Variants in ARHGEF17 observed in about 807,000 individuals in gnomAD.
ARHGEF17 encodes the protein 164 kDa Rho-specific guanine-nucleotide exchange factor.
In ARHGEF17, 80 loss-of-function variants were observed where a neutral mutation model predicts 174.0. The observed-to-expected ratio is 0.46, with a 90% confidence interval of 0.38 to 0.55. The LOEUF (loss-of-function observed/expected upper bound fraction) is 0.55. Ranked by LOEUF, ARHGEF17 falls within the 20% of genes least tolerant of loss-of-function variation. The pLI is 0.00. For missense variants in ARHGEF17, 2,886 were observed against 2,839.7 expected, an observed-to-expected ratio of 1.02 and a Z score of -0.37; for synonymous variants, 1,311 against 1,189.1, an observed-to-expected ratio of 1.10 and a Z score of -2.11.
chr11:73,308,888 C>A lies in ARHGEF17; in HGVS notation c.250C>A (p.Gln84Lys). The change falls in exon 1 of 21, where the codon CAG (glutamine) becomes AAG (lysine). Residue 84 changes from glutamine to lysine, a missense_variant. Transcript: ENST00000263674. ...CCGCAGCCTCTCGCCGTCGGTTCGC[C>A]AGCTCTCCCGGCGCTTCGACGCGCC... ...PLRSLSPSVR[Q>K]LSRRFDAPRL... is the part of the protein sequence containing the mutation. 7.3e-7 allele frequency: 1 copy of A among 1,364,442 alleles called. No homozygotes were observed. Among genetic ancestry groups the A allele is most frequent in the Non-Finnish European group, 9.4e-7 (1 of 1,065,144 alleles). 84.5% of individuals were successfully genotyped at this position (1,364,442 alleles called of 1,614,324 possible).
chr11:73,345,992 G>C (rs1018241716), intron 1 of ARHGEF17, among the ~76,000 whole-genome samples: 1 of 152,036 alleles, frequency 6.6e-6, no homozygotes, highest in Non-Finnish European at 1.5e-5. Flanking sequence ...GGGACTGGTG[G>C]AGAGGAGCAG....
Position 73,329,352 on chromosome 11 carries a change from TATATATATATATATATATA to T in ARHGEF17, c.3192+17523_3193-17512del, listed in dbSNP as rs1172345148. Among the ~76,000 whole-genome samples, 163 of 44,632 alleles carry T rather than the reference TATATATATATATATATATA, an allele frequency of 3.7e-3. 18 individuals carry two copies. Among genetic ancestry groups the T allele is most frequent in the East Asian group, 6.1e-3 (13 of 2,132 alleles). The allele number at this position is 44,632 out of a possible 152,430, so 29.3% of individuals were successfully genotyped here. ...ATATATATATATATATATATATATA[TATATATATATATATATATA>T]TATTTTTTTTTTTTTTTTGTATTTT... is the stretch of plus-strand genomic sequence containing the variant. On this transcript the variant is annotated intron_variant, in intron 1 of 20. Transcript: ENST00000263674.
chr11:73,309,050 TC>T lies in ARHGEF17; in HGVS notation c.414del (p.Arg139GlyfsTer50). 6.8e-7 allele frequency: 1 copy of T among 1,468,204 alleles called. No homozygotes were observed. The highest frequency in any genetic ancestry group is 9.0e-7 in the Non-Finnish European group (1 of 1,114,136). The allele number at this position is 1,468,204 out of a possible 1,614,324, so 90.9% of individuals were successfully genotyped here. On this transcript the variant is annotated frameshift_variant, in exon 1 of 21. Transcript: ENST00000263674. LOFTEE classifies it high-confidence loss of function. Reference sequence around the variant, plus strand: ...GCGCAAGCTCTTCGGCGGTCCTGGCTCCAGGAGGCCCAGCGCCGACTCTGAA... The same window carrying T: ...GCGCAAGCTCTTCGGCGGTCCTGGCTCAGGAGGCCCAGCGCCGACTCTGAA... ...EMRKLFGGPG[S>X]RRPSADSESP...
rs191684035 is a variant in ARHGEF17 at position 73,314,790 on chromosome 11, T to C, written c.3192+2960T>C. Among the ~76,000 whole-genome samples, 66 of 151,940 alleles carry C rather than the reference T, an allele frequency of 4.3e-4. No homozygotes were observed. The East Asian group carries it at 6.8e-3, about 16-fold the overall frequency. ...TCCACTGAGGCCCACTGTAGCCTGGTTGGTCAACAACTCTTCCTGTGAGGG... is the reference window on the plus strand; with the variant it reads ...TCCACTGAGGCCCACTGTAGCCTGGCTGGTCAACAACTCTTCCTGTGAGGG... On this transcript the variant is annotated intron_variant, in intron 1 of 20. Transcript: ENST00000263674.
rs1316859488 is a variant in ARHGEF17, at chr11:73,310,382, C to G, written c.1744C>G (p.Pro582Ala). The change falls in exon 1 of 21, where the codon CCG (proline) becomes GCG (alanine). Residue 582 changes from proline (P) to alanine (A), a missense_variant. By Grantham distance (27) the Pro-to-Ala change is conservative. This residue lies in a region of ARHGEF17 where 1,728 missense variants were observed against 1,461.2 expected (regional missense o/e 1.18). Transcript: ENST00000263674. ...LLTGPGAEED[P>A]LPLIVQDQYV... ...CACAGGCCCTGGTGCCGAGGAGGAT[C>G]CGCTGCCCCTCATCGTCCAGGACCA... 1.9e-6 allele frequency: 3 copies of G among 1,613,930 alleles called. No homozygotes were observed. The highest frequency in any genetic ancestry group is 1.1e-5 in the South Asian group (1 of 91,084).
In ARHGEF17 at chr11:73,310,350, T is replaced by G; in HGVS notation, c.1712T>G (p.Leu571Arg). The change falls in exon 1 of 21, where the codon CTC (leucine) becomes CGC (arginine). Residue 571 changes from leucine to arginine, a missense_variant. By Grantham distance (102) the Leu-to-Arg change is moderately radical. Around this residue, in one of 4 missense-constraint regions of ARHGEF17, gnomAD observed 1,728 missense variants for 1,461.2 expected, o/e 1.18. Transcript: ENST00000263674. ...TSALKSSSSE[L>R]LLTGPGAEED... ...GCTCTGAAGTCCAGCTCCTCCGAGC[T>G]CCTGCTCACAGGCCCTGGTGCCGAG... The G allele has an allele frequency of 6.2e-7, 1 of 1,613,822 alleles. No homozygotes were observed. Among genetic ancestry groups the G allele is most frequent in the Non-Finnish European group, 8.5e-7 (1 of 1,179,992 alleles).
chr11:73,357,205 C>T, intron 8 of ARHGEF17, 37 bp from the exon 9 acceptor site: 1 of 1,613,180 alleles, frequency 6.2e-7, no homozygotes, highest in Non-Finnish European at 8.5e-7. Context: ...GCCCCACTCC[C>T]CGACCCTGGC....
At chr11:73,335,254 T>G (rs7342249) in intron 1 of ARHGEF17, among the ~76,000 whole-genome samples, 1 of 151,942 alleles carries the variant, frequency 6.6e-6, no homozygotes, top group African/African-American at 2.4e-5. Flanking sequence ...CAACCTCCCC[T>G]GCTCAGACTC....
chr11:73,316,742 T>A (rs1481008300), intron 1 of ARHGEF17, among the ~76,000 whole-genome samples: 1 of 152,200 alleles, frequency 6.6e-6, no homozygotes, highest in Non-Finnish European at 1.5e-5. Context: ...CAGCACATAC[T>A]CAAAGTGAGA....
Position 73,363,907 on chromosome 11 carries a change from G to C in ARHGEF17, c.5333+74G>C. ...GTGCAGGCCTCCTTCTGTTCATCTG[G>C]TCCCCCTGCTCTACTGTCCCTCCTC... On this transcript the variant is annotated intron_variant, in intron 16 of 20. Coordinates refer to ENST00000263674, the MANE Select transcript of ARHGEF17 (RefSeq NM_014786.4). The C allele has an allele frequency of 2.0e-6, 3 of 1,471,230 alleles. No individual in the cohort carries two copies. In the South Asian group the frequency reaches 3.5e-5, roughly 17 times the overall value. The allele number at this position is 1,471,230 out of a possible 1,614,324, so 91.1% of individuals were successfully genotyped here. A position where few individuals can be genotyped will look rare whatever the true frequency, so the allele number is the denominator to read the frequency against.
At chr11:73,356,502 G>A (rs1865643879) in intron 6 of ARHGEF17, 151 bp downstream of exon 6, 8 of 1,164,582 alleles carry the variant, frequency 6.9e-6, no homozygotes, top group Non-Finnish European at 9.7e-6. Context: ...CAGCCTCTGT[G>A]GCCACACGTC....
chr11:73,350,432 G>A (rs1039485666), intron 2 of ARHGEF17, among the ~76,000 whole-genome samples: 2 of 152,168 alleles, frequency 1.3e-5, no homozygotes, highest in African/African-American at 4.8e-5. Flanking sequence ...CACACCCTGG[G>A]TTGAAACCCT....
intron 6 of ARHGEF17, 144 bp from the exon 7 acceptor site, chr11:73,356,565 G>A: frequency 8.1e-7 from 1 of 1,229,510 alleles, no homozygotes; most frequent in South Asian, 1.4e-5. Context: ...CTGTGGCCTG[G>A]CAGCACAAGG....
chr11:73,354,622 G>A (rs1865606339), intron 3 of ARHGEF17, among the ~76,000 whole-genome samples: 1 of 151,992 alleles, frequency 6.6e-6, no homozygotes, highest in East Asian at 1.9e-4. Context: ...GCTGAGGCGG[G>A]AGAATCGCCC....
In ARHGEF17 at chr11:73,364,616, G is replaced by C. The variant is rs773940928; in HGVS notation, c.5550+16G>C. 6.2e-7 allele frequency: 1 copy of C among 1,600,522 alleles called. No individual in the cohort carries two copies. Among genetic ancestry groups the C allele is most frequent in the African/African-American group, 1.4e-5 (1 of 74,052 alleles). ...GCAGCTGGAGGTAGCAGGGGGTGGG[G>C]GAATGGAATTGGTGCCATGGGATGA... On this transcript the variant is annotated intron_variant, in intron 18 of 20. Transcript: ENST00000263674.
At chr11:73,343,290 G>T (rs926281531) in intron 1 of ARHGEF17, 8 of 398,182 alleles carry the variant, frequency 2.0e-5, no homozygotes, top group Non-Finnish European at 3.1e-5. Context: ...ACGGGGAGGG[G>T]GAGGGGCAGC....
Position 73,308,445 on chromosome 11 carries a change from T to G in ARHGEF17, c.-194T>G. On this transcript the variant is annotated 5_prime_UTR_variant, in exon 1 of 21. An upstream start codon of the reference 5' UTR is lost. Coordinates refer to ENST00000263674, the MANE Select transcript of ARHGEF17 (RefSeq NM_014786.4). ...CTGAGGCGGGAGGGGCCGCCCGGGA[T>G]GGAGACGTTGCGGCCGGTGGCCACA... 7 of 486,752 alleles carry G rather than the reference T, an allele frequency of 1.4e-5. No homozygotes were observed. Among genetic ancestry groups the G allele is most frequent in the East Asian group, 1.1e-4 (3 of 27,782 alleles). The allele number at this position is 486,752 out of a possible 1,614,324, so 30.2% of individuals were successfully genotyped here.
chr11:73,367,762 C>T lies in ARHGEF17; in HGVS notation c.6174C>T (p.Leu2058=). The T allele has an allele frequency of 6.2e-7, 1 of 1,613,366 alleles. No homozygotes were observed. Among genetic ancestry groups the T allele is most frequent in the Non-Finnish European group, 8.5e-7 (1 of 1,179,610 alleles). ...GTCGAGACGACAGCACAAACCACCT[C>T]CTCCTGTGGAGGGTGTGACCCTGTC... ...TVGRDDSTNH[L]LLWRV Residue 2058 remains leucine (L), a synonymous_variant, in exon 21 of 21, where the codon CTC becomes CTT. Coordinates refer to ENST00000263674, the MANE Select transcript of ARHGEF17 (RefSeq NM_014786.4).
chr11:73,326,032 G>C (rs1465933728), intron 1 of ARHGEF17, among the ~76,000 whole-genome samples: 1 of 152,228 alleles, frequency 6.6e-6, no homozygotes, highest in Non-Finnish European at 1.5e-5. Flanking sequence ...GGCGGGTTGG[G>C]GGAACCCAGG....
Sources: allele counts gnomAD v4.1 joint callset (sites outside exome capture counted in the v4.1 genomes callset), GRCh38; gene constraint gnomAD v4.1.1; regional missense constraint gnomAD v4.1.1; transcripts MANE v1.5; gene names NCBI Gene and HGNC (gene_info 2026-07-23, HGNC 2026-07-21).